Variants in PSMA1 observed in about 807,000 individuals in gnomAD.
PSMA1 encodes proteasome subunit alpha type-1.
Under a neutral mutation model 38.4 loss-of-function variants are expected in PSMA1, and 3 were observed. The ratio of observed to expected loss-of-function variants is 0.08; its 90% CI spans 0.04 to 0.20. The LOEUF is 0.20. Among genes scored for constraint, PSMA1 ranks in the 10% least tolerant of loss-of-function variants. The probability of loss-of-function intolerance (pLI) is 1.00; values close to 1 mark genes in which losing one functional copy is unlikely to be tolerated. For synonymous variants in PSMA1, 101 were observed against 107.1 expected (o/e 0.94, Z 0.35); for missense variants, 227 against 325.3 (o/e 0.70, Z 2.32).
intron 7 of PSMA1, among the ~76,000 whole-genome samples, chr11:14,512,391 GAATTA>G (rs1275340324): frequency 4.6e-5 from 7 of 151,438 alleles, no homozygotes; most frequent in African/African-American, 1.7e-4. Flanking sequence ...AAAAAAAAAA[GAATTA>G]AATACCTAAA....
At chr11:14,570,823 G>T (rs1852130546) in intron 2 of PSMA1, among the ~76,000 whole-genome samples, 1 of 152,092 alleles carries the variant, frequency 6.6e-6, no homozygotes, top group South Asian at 2.1e-4. Context: ...AGCAAGGCAG[G>T]CCAACATTCA....
chr11:14,549,563 T>A (rs1390138044), intron 2 of PSMA1, among the ~76,000 whole-genome samples: 1 of 152,038 alleles, frequency 6.6e-6, no homozygotes, highest in African/African-American at 2.4e-5. Flanking sequence ...TAGCCGGGCA[T>A]GGTGGCGGGC....
chr11:14,598,444 T>C (rs1358492887), intron 2 of PSMA1, among the ~76,000 whole-genome samples: 1 of 152,154 alleles, frequency 6.6e-6, no homozygotes, highest in Non-Finnish European at 1.5e-5. Context: ...ATTGGTTGCA[T>C]ATATATTTAG....
upstream of PSMA1, among the ~76,000 whole-genome samples, chr11:14,524,109 C>CAAAAAA (rs71044009): frequency 3.7e-5 from 2 of 54,230 alleles, no homozygotes; most frequent in Non-Finnish European, 6.1e-5. Context: ...GACCCTGTCT[C>CAAAAAA]AAAAAAAAAA....
intron 1 of PSMA1, among the ~76,000 whole-genome samples, chr11:14,618,565 G>C (rs549951564): frequency 6.6e-6 from 1 of 152,278 alleles, no homozygotes; most frequent in East Asian, 1.9e-4. Context: ...AGCATCTAAA[G>C]GAATTGTCAT....
At chr11:14,592,798 T>C (rs1337804780) in intron 2 of PSMA1, among the ~76,000 whole-genome samples, 1 of 152,186 alleles carries the variant, frequency 6.6e-6, no homozygotes, top group African/African-American at 2.4e-5. Context: ...ACTGAATAAA[T>C]GGATAAATAA....
chr11:14,556,345 C>T (rs1851940968), intron 2 of PSMA1, among the ~76,000 whole-genome samples: 1 of 152,168 alleles, frequency 6.6e-6, no homozygotes, highest in East Asian at 1.9e-4. Context: ...ACTTCTTTGT[C>T]TTCTAACTTT....
At chr11:14,514,147 T>C in intron 5 of PSMA1, 1 of 1,324,302 alleles carries the variant, frequency 7.6e-7, no homozygotes, top group Non-Finnish European at 9.6e-7. Flanking sequence ...CTAGGATTTC[T>C]TGGGACATCT....
At chr11:14,585,054 G>A (rs1852329674) in intron 2 of PSMA1, among the ~76,000 whole-genome samples, 2 of 152,230 alleles carry the variant, frequency 1.3e-5, no homozygotes, top group African/African-American at 4.8e-5. Flanking sequence ...AGATTAGGCA[G>A]TATAGAAATC....
intron 9 of PSMA1, 186 bp downstream of exon 9, chr11:14,507,470 T>G: frequency 1.9e-6 from 1 of 517,946 alleles, no homozygotes. Flanking sequence ...CCGGCCCCCT[T>G]TTTGTGTTTA....
At chr11:14,568,880 G>A (rs1042420709) in intron 2 of PSMA1, among the ~76,000 whole-genome samples, 1 of 152,156 alleles carries the variant, frequency 6.6e-6, no homozygotes, top group African/African-American at 2.4e-5. Context: ...AATCTCACCT[G>A]TGTGCCACAA....
intron 1 of PSMA1, among the ~76,000 whole-genome samples, chr11:14,628,031 T>C (rs10832285): frequency 0.59 from 90,043 of 152,022 alleles, 26,955 homozygotes; most frequent in Middle Eastern, 0.67. Context: ...GCCTTACCGC[T>C]TGAGCTCCAC....
chr11:14,529,987 G>A (rs1022823010), intron 2 of PSMA1, among the ~76,000 whole-genome samples: 4 of 152,118 alleles, frequency 2.6e-5, no homozygotes, highest in African/African-American at 9.7e-5. Context: ...TCCATGAAGC[G>A]GGGAATTTTT....
At chr11:14,546,493 A>G (rs1851829378) in intron 2 of PSMA1, among the ~76,000 whole-genome samples, 1 of 152,038 alleles carries the variant, frequency 6.6e-6, no homozygotes, top group Non-Finnish European at 1.5e-5. Context: ...GCTGGAGTAC[A>G]ATGGCACGAT....
At chr11:14,582,975 G>A (rs557180637) in intron 2 of PSMA1, among the ~76,000 whole-genome samples, 3 of 152,144 alleles carry the variant, frequency 2.0e-5, no homozygotes, top group Admixed American at 2.0e-4. Flanking sequence ...TTGTGGCGAC[G>A]GCCAAACCCA....
upstream of PSMA1, among the ~76,000 whole-genome samples, chr11:14,521,570 G>A (rs1851530890): frequency 6.6e-6 from 1 of 151,322 alleles, no homozygotes; most frequent in South Asian, 2.1e-4. Flanking sequence ...TGGATCACGA[G>A]GTCAGGAGAT....
chr11:14,559,087 A>G (rs572660067), intron 2 of PSMA1, among the ~76,000 whole-genome samples: 2 of 152,334 alleles, frequency 1.3e-5, no homozygotes, highest in South Asian at 4.1e-4. Context: ...GCATAGGTAT[A>G]GCCTACCTTT....
chr11:14,540,336 A>G (rs1414650524), intron 2 of PSMA1, among the ~76,000 whole-genome samples: 2 of 152,206 alleles, frequency 1.3e-5, no homozygotes, highest in African/African-American at 4.8e-5. Context: ...TCCAGTCCTC[A>G]GGATTTTTCC....
At chr11:14,545,872 T>C (rs1323470438) in intron 2 of PSMA1, among the ~76,000 whole-genome samples, 1 of 152,200 alleles carries the variant, frequency 6.6e-6, no homozygotes, top group Non-Finnish European at 1.5e-5. Context: ...AATCTAAGCC[T>C]ACACATAGGA....
Sources: allele counts gnomAD v4.1 joint callset (sites outside exome capture counted in the v4.1 genomes callset), GRCh38; gene constraint gnomAD v4.1.1; transcripts MANE v1.5; gene names NCBI Gene and HGNC (gene_info 2026-07-23, HGNC 2026-07-21).